The following AKAP14 variants were observed in gnomAD, a reference collection of about 807,000 sequenced individuals.
AKAP14 encodes the protein A-kinase anchoring protein 14.
In AKAP14, 4 loss-of-function variants were observed where a neutral mutation model predicts 17.0. The observed-to-expected ratio is 0.23, with a 90% CI of 0.12 to 0.54. The LOEUF is 0.54. Among genes scored for constraint, AKAP14 ranks in the 20% least tolerant of loss-of-function variants. AKAP14 has a pLI of 0.95. For missense variants in AKAP14, 129 were observed against 150.9 expected (o/e 0.85, Z 0.76); for synonymous variants, 42 against 51.3 (o/e 0.82, Z 0.77).
chrX:119,898,090 G>T (rs1386056329), intron 2 of AKAP14, among the ~76,000 whole-genome samples: 1 of 112,500 alleles, frequency 8.9e-6, no homozygotes, highest in Non-Finnish European at 1.9e-5. Context: ...TTGAACCCAG[G>T]AGGCGGACGT....
At position 119,919,774 on chromosome X, in the gene AKAP14, G is replaced by A. The variant is rs191732157; in HGVS notation, c.442-137G>A. The A allele has an allele frequency of 3.1e-4, 181 of 585,314 alleles. No homozygotes were observed. The African/African-American group carries it at 3.9e-3, about 12-fold the overall frequency. 48.2% of individuals were successfully genotyped at this position (585,314 alleles called of 1,213,427 possible). A position where few individuals can be genotyped will look rare whatever the true frequency, so the allele number is the denominator to read the frequency against. On this transcript the variant is annotated intron_variant, in intron 5 of 6. Transcript: ENST00000371431. ...GGCAGGAGAATCACTTGAACCCAGG[G>A]GGTGGAGGTTGCAGTGAGCTGAGAT...
At chrX:119,906,892 T>C (rs1018943067) in intron 4 of AKAP14, among the ~76,000 whole-genome samples, 3 of 111,409 alleles carry the variant, frequency 2.7e-5, no homozygotes, top group African/African-American at 9.8e-5. Context: ...TTATTGCCAG[T>C]TTCCCAGGGT....
chrX:119,919,190 T>G (rs1321512547), intron 5 of AKAP14, among the ~76,000 whole-genome samples: 1 of 111,813 alleles, frequency 8.9e-6, no homozygotes, highest in Non-Finnish European at 1.9e-5. Context: ...TGGGAGGGAC[T>G]ACTGAGACAA....
intron 5 of AKAP14, 134 bp downstream of exon 5, chrX:119,915,012 G>C: frequency 1.6e-6 from 1 of 636,803 alleles, no homozygotes; most frequent in Non-Finnish European, 2.4e-6. Context: ...GCCTATGCAC[G>C]GCACTTGCCA....
intron 2 of AKAP14, 130 bp downstream of exon 2, chrX:119,896,397 T>TCAGAAGGGGAGGGGAG (rs1269091629): frequency 4.7e-4 from 43 of 91,483 alleles, no homozygotes; most frequent in African/African-American, 1.7e-3. Flanking sequence ...ATCTGGCCTC[T>TCAGAAGGGGAGGGGAG]GAGAAGGGGA....
chrX:119,909,476 C>T (rs1486856121), intron 4 of AKAP14, among the ~76,000 whole-genome samples: 4 of 105,483 alleles, frequency 3.8e-5, no homozygotes, highest in Non-Finnish European at 7.8e-5. Context: ...TGCAGTGAGC[C>T]GAGAAAACGC....
intron 5 of AKAP14, among the ~76,000 whole-genome samples, chrX:119,916,473 T>TATC (rs1444002165): frequency 4.8e-5 from 5 of 104,622 alleles, no homozygotes; most frequent in African/African-American, 1.7e-4. Context: ...TCTATCTATC[T>TATC]ATCTATCTAT....
At chrX:119,919,857 C>A (rs182781615) in intron 5 of AKAP14, 54 bp from the exon 6 acceptor site, 87 of 1,166,095 alleles carry the variant, frequency 7.5e-5, no homozygotes, top group Non-Finnish European at 9.9e-5. Flanking sequence ...TTGAAAAAAA[C>A]AAAAAGAGTT....
chrX:119,907,913 T>C (rs1371681532), intron 4 of AKAP14, among the ~76,000 whole-genome samples: 2 of 112,512 alleles, frequency 1.8e-5, no homozygotes, highest in Non-Finnish European at 3.7e-5. Flanking sequence ...ATGCAGACTT[T>C]TATTATCATT....
At chrX:119,908,803 TG>T (rs2056612121) in intron 4 of AKAP14, among the ~76,000 whole-genome samples, 1 of 112,085 alleles carries the variant, frequency 8.9e-6, no homozygotes, top group Non-Finnish European at 1.9e-5. Context: ...CATAAAAGTC[TG>T]CTGCCTGCAC....
At chrX:119,912,739 C>T (rs1282047550) in intron 4 of AKAP14, among the ~76,000 whole-genome samples, 1 of 111,225 alleles carries the variant, frequency 9.0e-6, no homozygotes, top group Non-Finnish European at 1.9e-5. Context: ...GTACAGTTGG[C>T]TCTCCATATC....
intron 4 of AKAP14, among the ~76,000 whole-genome samples, chrX:119,913,504 G>A (rs1197205687): frequency 2.7e-5 from 3 of 112,688 alleles, no homozygotes; most frequent in African/African-American, 9.6e-5. Context: ...TGCTGGGCAT[G>A]GTGGCTCACA....
chrX:119,903,925 G>A (rs1421262190), intron 4 of AKAP14, among the ~76,000 whole-genome samples: 1 of 110,974 alleles, frequency 9.0e-6, no homozygotes, highest in African/African-American at 3.3e-5. Flanking sequence ...TCCAAAATAG[G>A]AGTTCTCCAC....
At chrX:119,905,887 C>G (rs1196301905) in intron 4 of AKAP14, among the ~76,000 whole-genome samples, 2 of 111,669 alleles carry the variant, frequency 1.8e-5, no homozygotes, top group African/African-American at 6.5e-5. Flanking sequence ...CTACTAGAGT[C>G]TATTTACTTG....
intron 2 of AKAP14, among the ~76,000 whole-genome samples, chrX:119,902,680 G>GT (rs2147829056): frequency 9.0e-6 from 1 of 111,392 alleles, no homozygotes; most frequent in South Asian, 3.8e-4. Flanking sequence ...AGTCATTATG[G>GT]TGTTTTTTTT....
intron 2 of AKAP14, among the ~76,000 whole-genome samples, chrX:119,899,610 C>T (rs1183932573): frequency 9.0e-6 from 1 of 111,290 alleles, no homozygotes; most frequent in East Asian, 2.8e-4. Flanking sequence ...GGGAGAAAAC[C>T]ACCAGGGACA....
At chrX:119,908,130 C>CA (rs1204659006) in intron 4 of AKAP14, among the ~76,000 whole-genome samples, 1 of 109,604 alleles carries the variant, frequency 9.1e-6, no homozygotes, top group Non-Finnish European at 1.9e-5. Flanking sequence ...TACAAAAATA[C>CA]AAAAAAATTA....
Position 119,920,660 on chromosome X carries a change from C to T in AKAP14, c.*53C>T, listed in dbSNP as rs889802446. 2 of 876,688 alleles carry T rather than the reference C, an allele frequency of 2.3e-6. No individual in the cohort carries two copies. Among genetic ancestry groups the T allele is most frequent in the Non-Finnish European group, 3.2e-6 (2 of 618,214 alleles). The allele number at this position is 876,688 out of a possible 1,213,427, so 72.2% of individuals were successfully genotyped here. ...TTCTCATCAGGATACATTAAAAATACAATACAGCACGTCAAACCACAGAAT... is the reference window on the plus strand; with the variant it reads ...TTCTCATCAGGATACATTAAAAATATAATACAGCACGTCAAACCACAGAAT... On this transcript the variant is annotated 3_prime_UTR_variant, in exon 7 of 7. Coordinates refer to ENST00000371431, the MANE Select transcript of AKAP14 (RefSeq NM_178813.6).
At chrX:119,901,117 T>C (rs938772630) in intron 2 of AKAP14, among the ~76,000 whole-genome samples, 10 of 111,927 alleles carry the variant, frequency 8.9e-5, no homozygotes, top group Non-Finnish European at 3.8e-5. Flanking sequence ...GTTTTCTTGA[T>C]GTGATACATC....
Sources: gnomAD v4.1 joint callset for allele counts (sites outside exome capture counted in the v4.1 genomes callset) on GRCh38, gnomAD v4.1.1 for gene constraint, MANE v1.5 for transcripts, NCBI Gene and HGNC (gene_info 2026-07-23, HGNC 2026-07-21) for gene names.